PRKCA: variants seen among roughly 807,000 people sequenced by gnomAD.
PRKCA encodes protein kinase C alpha type.
PRKCA carries 27 observed loss-of-function variants against 87.0 expected under a neutral mutation model. The observed-to-expected ratio is 0.31, with a 90% confidence interval of 0.23 to 0.43. The LOEUF (loss-of-function observed/expected upper bound fraction) is 0.43, where lower values mean the gene tolerates loss of function less well. Among genes scored for constraint, PRKCA ranks in the 20% least tolerant of loss-of-function variants. PRKCA has a pLI of 1.00. For synonymous variants in PRKCA, 329 were observed against 311.1 expected (o/e 1.06, Z -0.61); for missense variants, 518 against 852.3 (o/e 0.61, Z 4.88).
At chr17:66,724,519 C>G (rs1429675996) in intron 8 of PRKCA, among the ~76,000 whole-genome samples, 1 of 152,206 alleles carries the variant, frequency 6.6e-6, no homozygotes, top group Non-Finnish European at 1.5e-5. Flanking sequence ...AGGAGCGTTT[C>G]TAATGAGTTA....
intron 2 of PRKCA, among the ~76,000 whole-genome samples, chr17:66,489,681 A>G (rs1021501690): frequency 8.6e-5 from 13 of 151,782 alleles, no homozygotes; most frequent in African/African-American, 2.9e-4. Flanking sequence ...TTTATTTAGA[A>G]TTTTATAGAA....
chr17:66,642,565 C>G (rs1450913038), intron 4 of PRKCA, among the ~76,000 whole-genome samples: 2 of 152,126 alleles, frequency 1.3e-5, no homozygotes, highest in African/African-American at 4.8e-5. Flanking sequence ...AAATATCAGC[C>G]TATTGCCATT....
chr17:66,639,355 T>A (rs1971228785), intron 3 of PRKCA: 1 of 152,188 alleles, frequency 6.6e-6, no homozygotes, highest in African/African-American at 2.4e-5. Context: ...GACAAATAGA[T>A]CATCTAAGTA....
At chr17:66,479,184 C>A (rs1046642410) in intron 2 of PRKCA, among the ~76,000 whole-genome samples, 3 of 151,952 alleles carry the variant, frequency 2.0e-5, no homozygotes, top group East Asian at 1.9e-4. Flanking sequence ...AAAAACAACC[C>A]CCCAAAAAAG....
intron 14 of PRKCA, among the ~76,000 whole-genome samples, chr17:66,778,641 G>T (rs1975123063): frequency 6.6e-6 from 1 of 152,156 alleles, no homozygotes; most frequent in Non-Finnish European, 1.5e-5. Context: ...GAGTCCAGGA[G>T]TTCGAGACCA....
chr17:66,705,184 T>TA (rs1420261028), intron 8 of PRKCA, among the ~76,000 whole-genome samples: 39 of 152,348 alleles, frequency 2.6e-4, no homozygotes, highest in African/African-American at 9.4e-4. Context: ...AAAAAATCTA[T>TA]AAAATGCACA....
intron 5 of PRKCA, among the ~76,000 whole-genome samples, chr17:66,679,215 C>A (rs1371234978): frequency 7.4e-6 from 1 of 134,396 alleles, no homozygotes; most frequent in Non-Finnish European, 1.5e-5. Flanking sequence ...GAGTCTTGCT[C>A]TGTCACCCAG....
chr17:66,576,071 G>A (rs1377023889), intron 3 of PRKCA, among the ~76,000 whole-genome samples: 2 of 151,958 alleles, frequency 1.3e-5, no homozygotes, highest in Non-Finnish European at 2.9e-5. Flanking sequence ...CCGAGATTGT[G>A]CCACTGCACT....
intron 13 of PRKCA, among the ~76,000 whole-genome samples, chr17:66,765,250 C>T (rs1049485799): frequency 6.6e-6 from 1 of 151,322 alleles, no homozygotes; most frequent in African/African-American, 2.4e-5. Context: ...CCCATCTCTA[C>T]AAAAATATAA....
intron 3 of PRKCA, among the ~76,000 whole-genome samples, chr17:66,500,449 TA>T (rs1456538287): frequency 4.6e-5 from 7 of 152,216 alleles, no homozygotes; most frequent in Non-Finnish European, 1.5e-5. Flanking sequence ...AGAATTTTCT[TA>T]TTTTATCCTT....
intron 3 of PRKCA, among the ~76,000 whole-genome samples, chr17:66,596,689 C>T (rs1432583268): frequency 2.0e-5 from 2 of 99,910 alleles, no homozygotes; most frequent in African/African-American, 8.5e-5. Flanking sequence ...ACTAACGTGT[C>T]ATCTAGCATT....
At chr17:66,706,507 A>G (rs1235660268) in intron 8 of PRKCA, among the ~76,000 whole-genome samples, 1 of 151,620 alleles carries the variant, frequency 6.6e-6, no homozygotes, top group Non-Finnish European at 1.5e-5. Flanking sequence ...GCCAGGCATG[A>G]TGGCAGGCAC....
chr17:66,381,055 T>C (rs980778940), intron 2 of PRKCA, among the ~76,000 whole-genome samples: 4 of 152,012 alleles, frequency 2.6e-5, no homozygotes, highest in African/African-American at 7.2e-5. Context: ...TCCTCTTGCT[T>C]CAGCCTCCAG....
intron 9 of PRKCA, 60 bp from the exon 10 acceptor site, chr17:66,735,429 C>G (rs1974000897): frequency 6.3e-7 from 1 of 1,593,878 alleles, no homozygotes; most frequent in Non-Finnish European, 8.6e-7. Context: ...CTGGTTCCTT[C>G]CCTCTGCCCC....
At position 66,496,326 on chromosome 17, in the gene PRKCA, C is replaced by T. The variant is rs1486821557; in HGVS notation, c.288+43C>T. On this transcript the variant is annotated intron_variant, in intron 3 of 16. Transcript: ENST00000413366. ...CATGATTTGATGTCAATGTGGATTT[C>T]TGAGCTTTAATTTTTTTAACGCCTG... is the stretch of plus-strand genomic sequence containing the variant. The T allele has an allele frequency of 5.2e-6, 8 of 1,540,280 alleles. No individual in the cohort carries two copies. In the South Asian group the frequency reaches 9.2e-5, roughly 18 times the overall value.
intron 14 of PRKCA, among the ~76,000 whole-genome samples, chr17:66,785,852 G>A (rs191848799): frequency 4.6e-5 from 7 of 152,266 alleles, no homozygotes; most frequent in Admixed American, 3.3e-4. Context: ...TTTTTGAGAC[G>A]GAGTCTCGCT....
chr17:66,707,286 C>T (rs975376302), intron 8 of PRKCA, among the ~76,000 whole-genome samples: 1 of 152,194 alleles, frequency 6.6e-6, no homozygotes, highest in African/African-American at 2.4e-5. Context: ...ACTCACTTGC[C>T]AGACACACCT....
chr17:66,783,191 C>A (rs1345903971), intron 14 of PRKCA, among the ~76,000 whole-genome samples: 1 of 152,176 alleles, frequency 6.6e-6, no homozygotes, highest in Non-Finnish European at 1.5e-5. Flanking sequence ...GGCTTTGTTA[C>A]AGCTTGGGCA....
chr17:66,636,369 A>G (rs928791350), intron 3 of PRKCA, among the ~76,000 whole-genome samples: 1 of 152,238 alleles, frequency 6.6e-6, no homozygotes, highest in South Asian at 2.1e-4. Context: ...TATAATTGAG[A>G]CAGTGCAAGA....
Sources: allele counts gnomAD v4.1 joint callset (sites outside exome capture counted in the v4.1 genomes callset), GRCh38; gene constraint gnomAD v4.1.1; transcripts MANE v1.5; gene names NCBI Gene and HGNC (gene_info 2026-07-23, HGNC 2026-07-21).